Variants in RASEF observed in about 807,000 individuals in gnomAD.
The protein encoded by RASEF is ras and EF-hand domain-containing protein.
In RASEF, 68 loss-of-function variants were observed where a neutral mutation model predicts 90.1. That is an observed-to-expected ratio of 0.75 (90% CI 0.62 to 0.92). The LOEUF (loss-of-function observed/expected upper bound fraction) is 0.92. RASEF is among the 40% of genes least tolerant of loss of function. RASEF has a pLI of 0.00. For synonymous variants in RASEF, 331 were observed against 345.2 expected, an observed-to-expected ratio of 0.96 and a Z score of 0.46; for missense variants, 949 against 937.2, an observed-to-expected ratio of 1.01 and a Z score of -0.16.
chr9:83,028,397 G>C (rs964619961), intron 1 of RASEF, among the ~76,000 whole-genome samples: 12 of 152,178 alleles, frequency 7.9e-5, no homozygotes, highest in Non-Finnish European at 1.3e-4. Flanking sequence ...AGAAGTCTGA[G>C]AGCATTTCAC....
At chr9:83,190,194 C>T in the RASEF span, among the ~76,000 whole-genome samples, 1 of 152,170 alleles carries the variant, frequency 6.6e-6, no homozygotes, top group Non-Finnish European at 1.5e-5. Context: ...AAGCCAGAAA[C>T]GCTGTATGTA....
At chr9:83,123,878 C>G in the RASEF span, among the ~76,000 whole-genome samples, 2 of 152,192 alleles carry the variant, frequency 1.3e-5, no homozygotes, top group South Asian at 4.1e-4. Flanking sequence ...TGCAATCACA[C>G]TGTTGTGCAG....
intron 1 of RASEF, among the ~76,000 whole-genome samples, chr9:83,062,071 T>G (rs1830211327): frequency 6.6e-6 from 1 of 152,088 alleles, no homozygotes; most frequent in African/African-American, 2.4e-5. Context: ...AGCCCTGGGG[T>G]GAGAGCCTAA....
chr9:83,175,619 T>C, the RASEF span, among the ~76,000 whole-genome samples: 1 of 152,030 alleles, frequency 6.6e-6, no homozygotes, highest in Non-Finnish European at 1.5e-5. Context: ...CTCACTCTGT[T>C]GCCCAGGCTG....
chr9:83,048,793 T>C (rs1829980077), intron 1 of RASEF: 1 of 969,228 alleles, frequency 1.0e-6, no homozygotes, highest in African/African-American at 1.8e-5. Context: ...CAAGTCCCAT[T>C]AGAATATTTC....
chr9:83,015,718 A>G, intron 4 of RASEF, 87 bp downstream of exon 4: 1 of 938,570 alleles, frequency 1.1e-6, no homozygotes, highest in Non-Finnish European at 1.8e-6. Context: ...CCACTTCAAT[A>G]GGATTCCAAA....
the RASEF span, among the ~76,000 whole-genome samples, chr9:83,178,076 G>A: frequency 6.6e-6 from 1 of 152,022 alleles, no homozygotes; most frequent in Non-Finnish European, 1.5e-5. Context: ...TTTTTTGTTG[G>A]TTTGTTTTGT....
chr9:83,187,600 T>C, the RASEF span, among the ~76,000 whole-genome samples: 2 of 152,188 alleles, frequency 1.3e-5, no homozygotes, highest in Admixed American at 1.3e-4. Flanking sequence ...TTTCATGTCA[T>C]GTGAGAGAAA....
At chr9:83,214,890 C>A in the RASEF span, among the ~76,000 whole-genome samples, 1 of 151,818 alleles carries the variant, frequency 6.6e-6, no homozygotes, top group Non-Finnish European at 1.5e-5. Context: ...GCCTAAAGAC[C>A]CACAGCCCTA....
the RASEF span, among the ~76,000 whole-genome samples, chr9:83,172,064 G>A: frequency 3.9e-4 from 59 of 151,754 alleles, no homozygotes; most frequent in African/African-American, 1.3e-3. Flanking sequence ...AAACTTGCCT[G>A]TTAGCACTGC....
the RASEF span, among the ~76,000 whole-genome samples, chr9:83,203,986 G>A: frequency 1.3e-5 from 2 of 152,236 alleles, no homozygotes; most frequent in Admixed American, 1.3e-4. Flanking sequence ...TTTGATGGCA[G>A]TGTGGAGAAC....
At chr9:83,165,399 A>G in the RASEF span, among the ~76,000 whole-genome samples, 1 of 152,188 alleles carries the variant, frequency 6.6e-6, no homozygotes, top group Middle Eastern at 3.2e-3. Flanking sequence ...CACATTTATA[A>G]ATATCCACTG....
At chr9:83,005,976 G>A (rs1189946238) in intron 7 of RASEF, among the ~76,000 whole-genome samples, 1 of 152,122 alleles carries the variant, frequency 6.6e-6, no homozygotes, top group South Asian at 2.1e-4. Flanking sequence ...ACACTTGGGT[G>A]ATGATCTCAG....
At chr9:83,004,665 C>T in intron 8 of RASEF, 79 bp from the exon 9 acceptor site, 1 of 866,658 alleles carries the variant, frequency 1.2e-6, no homozygotes, top group Non-Finnish European at 1.9e-6. Context: ...TACACACAAA[C>T]CCATTTTTTA....
At chr9:83,204,598 G>GA in the RASEF span, among the ~76,000 whole-genome samples, 1 of 152,120 alleles carries the variant, frequency 6.6e-6, no homozygotes, top group Non-Finnish European at 1.5e-5. Context: ...GACGAAATAA[G>GA]AAAAATGGAT....
intron 1 of RASEF, among the ~76,000 whole-genome samples, chr9:83,043,540 T>C (rs1344507630): frequency 6.6e-6 from 1 of 152,228 alleles, no homozygotes; most frequent in African/African-American, 2.4e-5. Context: ...TGTGGTTTTG[T>C]CTTTGAAGAA....
At chr9:82,989,240 G>T (rs1030127830) in intron 16 of RASEF, among the ~76,000 whole-genome samples, 3 of 152,058 alleles carry the variant, frequency 2.0e-5, no homozygotes, top group African/African-American at 7.2e-5. Context: ...GTGTGTGTGT[G>T]TGTGTATATC....
At chr9:83,158,706 G>GTACATATACATATATGTATATATTTATT in the RASEF span, among the ~76,000 whole-genome samples, 1 of 147,812 alleles carries the variant, frequency 6.8e-6, no homozygotes, top group Admixed American at 6.8e-5. Context: ...ATATATTTAT[G>GTACATATACATATATGTATATATTTATT]TACATATACA....
At chr9:83,057,777 G>T (rs1394251751) in intron 1 of RASEF, among the ~76,000 whole-genome samples, 1 of 150,790 alleles carries the variant, frequency 6.6e-6, no homozygotes, top group African/African-American at 2.4e-5. Context: ...TACTGGCCAT[G>T]AGCATGAAAA....
Sources: gnomAD v4.1 joint callset for allele counts (sites outside exome capture counted in the v4.1 genomes callset) on GRCh38, gnomAD v4.1.1 for gene constraint, MANE v1.5 for transcripts, NCBI Gene and HGNC (gene_info 2026-07-23, HGNC 2026-07-21) for gene names.